PUM3: variants seen among roughly 807,000 people sequenced by gnomAD.
PUM3 encodes pumilio RNA binding family member 3.
A neutral mutation model predicts 84.0 loss-of-function variants in PUM3; 91 were observed. The observed-to-expected ratio is 1.08, with a 90% confidence interval of 0.91 to 1.29. The LOEUF (loss-of-function observed/expected upper bound fraction) is 1.29. Among genes scored for constraint, PUM3 ranks in the 50% most tolerant of loss-of-function variants. PUM3 has a pLI of 0.00. For missense variants in PUM3, 1,067 were observed against 767.5 expected (o/e 1.39, Z -4.61); for synonymous variants, 321 against 266.7 (o/e 1.20, Z -1.98).
At chr9:2,827,586 G>T (rs1392885590) in intron 9 of PUM3, among the ~76,000 whole-genome samples, 1 of 152,140 alleles carries the variant, frequency 6.6e-6, no homozygotes, top group South Asian at 2.1e-4. Flanking sequence ...ATTAAAACTT[G>T]AATGAACCAA....
intron 17 of PUM3, 27 bp from the exon 18 acceptor site, chr9:2,804,490 C>A (rs1383671717): frequency 6.2e-7 from 1 of 1,602,500 alleles, no homozygotes; most frequent in Non-Finnish European, 8.5e-7. Flanking sequence ...AATTAAATTT[C>A]ATAAGCATTC....
rs1586723032 is a variant in PUM3 at position 2,823,220 on chromosome 9, C to A, written c.1188+561G>T. On this transcript the variant is annotated intron_variant, in intron 12 of 17. Transcript: ENST00000397885. ...CACTATTTTTGAAGCAACAAATCCC[C>A]CAGAAAAAACTTTTGTACCTATGAA... 2.6e-5 allele frequency among the ~76,000 whole-genome samples: 4 copies of A among 151,966 alleles called. No individual in the cohort carries two copies. The East Asian group carries it at 7.7e-4, about 29-fold the overall frequency.
rs140723853 is a variant in PUM3 at position 2,832,875 on chromosome 9, A to C, written c.516+482T>G. 9.6e-3 allele frequency among the ~76,000 whole-genome samples: 1,463 copies of C among 152,334 alleles called. 19 individuals are homozygous for C. The highest frequency in any genetic ancestry group is 0.037 in the Middle Eastern group (11 of 294). ...AGTCACAGGAAATTTATTACAAAAC[A>C]GGATTAAGCAGCAACAATGAAAACT... is the stretch of plus-strand genomic sequence containing the variant. On this transcript the variant is annotated intron_variant, in intron 5 of 17. Coordinates refer to ENST00000397885, the MANE Select transcript of PUM3 (RefSeq NM_014878.5).
chr9:2,836,195 A>G (rs1816115929), intron 3 of PUM3, among the ~76,000 whole-genome samples: 1 of 152,124 alleles, frequency 6.6e-6, no homozygotes. Flanking sequence ...AGCAGCCCTT[A>G]GGCAGGGTAA....
Position 2,812,231 on chromosome 9 carries a change from T to G in PUM3, c.1401A>C (p.Gly467=), listed in dbSNP as rs1013134701. The G allele has an allele frequency of 1.9e-6, 3 of 1,613,686 alleles. No homozygotes were observed. In the African/African-American group the frequency reaches 4.0e-5, roughly 22 times the overall value. The change falls in exon 14 of 18, where the codon GGA becomes GGC. Residue 467 remains glycine (G), a synonymous_variant. Transcript: ENST00000397885. The stretch of plus-strand genomic sequence containing the variant: ...CTACTTGGTTTTACCTGTGTGCATT[T>G]CCATCTCCTTTTTGCAGAACTTCAA... The part of the protein sequence containing the change: ...EIIEVLQKGD[G]NAHSKKDTEV...
At chr9:2,835,971 A>G (rs868457922) in intron 3 of PUM3, among the ~76,000 whole-genome samples, 4 of 152,202 alleles carry the variant, frequency 2.6e-5, no homozygotes, top group Non-Finnish European at 2.9e-5. Context: ...TTTGGGATCT[A>G]GTAGAGAGGT....
In PUM3 at chr9:2,804,277, A is replaced by G; in HGVS notation, c.*54T>C. The G allele has an allele frequency of 6.3e-7, 1 of 1,578,996 alleles. No homozygotes were observed. The highest frequency in any genetic ancestry group is 8.6e-7 in the Non-Finnish European group (1 of 1,161,632). ...CCTACCCCTTCTTTTCTGCATTGGG[A>G]AACAGAACAGAGAACAGAAAAAATC... On this transcript the variant is annotated 3_prime_UTR_variant, in exon 18 of 18. Coordinates refer to ENST00000397885, the MANE Select transcript of PUM3 (RefSeq NM_014878.5).
At chr9:2,806,933 G>A (rs1821270272) in intron 17 of PUM3, among the ~76,000 whole-genome samples, 1 of 152,180 alleles carries the variant, frequency 6.6e-6, no homozygotes, top group African/African-American at 2.4e-5. Context: ...TACAGGCTGG[G>A]CACAGTGGCT....
At chr9:2,827,235 G>A in intron 9 of PUM3, 84 bp from the exon 10 acceptor site, 1 of 884,720 alleles carries the variant, frequency 1.1e-6, no homozygotes, top group Non-Finnish European at 1.8e-6. Flanking sequence ...AAGTCCTAAA[G>A]TAATCTAAAC....
At chr9:2,807,282 T>G (rs1821277549) in intron 17 of PUM3, among the ~76,000 whole-genome samples, 1 of 150,670 alleles carries the variant, frequency 6.6e-6, no homozygotes, top group Middle Eastern at 3.2e-3. Context: ...ATGTTATAAT[T>G]TGTCAAAAAG....
rs762038694 is a variant in PUM3, at chr9:2,812,226, G to GCATTTC, written c.1400_1405dup (p.Gly467_Asn468dup). ...CCATTCTACTTGGTTTTACCTGTGT[G>GCATTTC]CATTTCCATCTCCTTTTTGCAGAAC... On this transcript the variant is annotated inframe_insertion, in exon 14 of 18. Coordinates refer to ENST00000397885, the MANE Select transcript of PUM3 (RefSeq NM_014878.5). The GCATTTC allele has an allele frequency of 6.2e-7, 1 of 1,613,524 alleles. No homozygotes were observed. The highest frequency in any genetic ancestry group is 8.5e-7 in the Non-Finnish European group (1 of 1,179,574).
At chr9:2,820,926 G>A (rs1050386435) in intron 12 of PUM3, among the ~76,000 whole-genome samples, 6 of 152,106 alleles carry the variant, frequency 3.9e-5, no homozygotes, top group African/African-American at 1.4e-4. Context: ...CCTGTTTCCA[G>A]AGCTTGTGGC....
chr9:2,833,389 A>C lies in PUM3; in HGVS notation c.484T>G (p.Leu162Val). 1 of 1,594,570 alleles carries C rather than the reference A, an allele frequency of 6.3e-7. No individual in the cohort carries two copies. Among genetic ancestry groups the C allele is most frequent in the Non-Finnish European group, 8.6e-7 (1 of 1,164,540 alleles). The change falls in exon 5 of 18, where the codon TTG becomes GTG. Residue 162 changes from leucine (L) to valine (V), a missense_variant. Leu to Val is a conservative substitution (Grantham distance 32). Coordinates refer to ENST00000397885, the MANE Select transcript of PUM3 (RefSeq NM_014878.5). ...KEKRVKLMSD[L>V]QKLIQGKIKT... is the part of the protein sequence containing the mutation. ...ATTTTCCCTTGAATCAACTTCTGCA[A>C]ATCACTCATTAACTTTACTCTTTTT...
chr9:2,823,744 CA>C, intron 12 of PUM3, 36 bp downstream of exon 12: 1 of 974,618 alleles, frequency 1.0e-6, no homozygotes, highest in Non-Finnish European at 1.5e-6. Context: ...ATCTTACTAT[CA>C]AAAATAATTA....
intron 1 of PUM3, among the ~76,000 whole-genome samples, chr9:2,839,315 AAAC>A (rs1310311585): frequency 2.6e-5 from 4 of 152,214 alleles, no homozygotes; most frequent in African/African-American, 9.6e-5. Context: ...AGCTGGCTGT[AAAC>A]AACAGATGTT....
chr9:2,838,009 T>C (rs1323110417), intron 2 of PUM3, among the ~76,000 whole-genome samples: 1 of 152,194 alleles, frequency 6.6e-6, no homozygotes. Context: ...TAATCATTTG[T>C]ATAGTCCCTT....
At chr9:2,843,844 C>A (rs559807275) in intron 1 of PUM3, among the ~76,000 whole-genome samples, 1 of 152,006 alleles carries the variant, frequency 6.6e-6, no homozygotes, top group Non-Finnish European at 1.5e-5. Flanking sequence ...TCCCAAAGTG[C>A]TGGGATTACA....
intron 15 of PUM3, 53 bp downstream of exon 15, chr9:2,811,308 G>T: frequency 1.3e-6 from 2 of 1,546,132 alleles, no homozygotes; most frequent in Non-Finnish European, 1.8e-6. Context: ...GTCCAAAAAC[G>T]AAGTTTTTGT....
At position 2,819,410 on chromosome 9, in the gene PUM3, G is replaced by A. The variant is rs115168815; in HGVS notation, c.1269+608C>T. Among the ~76,000 whole-genome samples, 567 of 152,270 alleles carry A rather than the reference G, an allele frequency of 3.7e-3. 2 individuals are homozygous for A. The highest frequency in any genetic ancestry group is 0.013 in the African/African-American group (538 of 41,552). ...TATGGCCACTACACTGGACTAGAAG[G>A]AATTTCTGAAATGTCAAAAGGAAGC... is the stretch of plus-strand genomic sequence containing the variant. On this transcript the variant is annotated intron_variant, in intron 13 of 17. Transcript: ENST00000397885.
Sources: allele counts gnomAD v4.1 joint callset (sites outside exome capture counted in the v4.1 genomes callset), GRCh38; gene constraint gnomAD v4.1.1; transcripts MANE v1.5; gene names NCBI Gene and HGNC (gene_info 2026-07-23, HGNC 2026-07-21).